PTPN3: variants seen among roughly 807,000 people sequenced by gnomAD.
PTPN3 encodes protein tyrosine phosphatase non-receptor type 3, also known as tyrosine-protein phosphatase non-receptor type 3.
A neutral mutation model predicts 132.7 loss-of-function variants in PTPN3; 96 were observed. The observed-to-expected ratio is 0.72, with a 90% CI of 0.61 to 0.86. The LOEUF (loss-of-function observed/expected upper bound fraction) is 0.86. Among genes scored for constraint, PTPN3 ranks in the 40% least tolerant of loss-of-function variants. PTPN3 has a pLI of 0.00. For synonymous variants in PTPN3, 398 were observed against 429.0 expected, an observed-to-expected ratio of 0.93 and a Z score of 0.89; for missense variants, 1,125 against 1,159.6, an observed-to-expected ratio of 0.97 and a Z score of 0.43.
At chr9:109,449,949 C>G (rs1321158370) in intron 5 of PTPN3, 1 of 985,242 alleles carries the variant, frequency 1.0e-6, no homozygotes, top group Non-Finnish European at 1.2e-6. Flanking sequence ...GTAACTTTCC[C>G]TCTTATCTCA....
the PTPN3 span, among the ~76,000 whole-genome samples, chr9:109,537,580 C>T: frequency 0.19 from 29,322 of 152,070 alleles, 3,192 homozygotes; most frequent in Admixed American, 0.23. Context: ...TCTACTGTCA[C>T]GTTGTCTTTT....
In PTPN3 at chr9:109,382,440, TC is replaced by T; in HGVS notation, c.2389del (p.Glu797LysfsTer5). ...EMLVTNTQTG[E>X]EHTVTHLQYV... ...CTGGAGATGTGTCACTGTGTGTTCT[TC>T]CCCGGTCTGTGGGAGATGCAGTGGC... On this transcript the variant is annotated frameshift_variant, in exon 24 of 26. Transcript: ENST00000374541. LOFTEE classifies it high-confidence loss of function. 6.2e-7 allele frequency: 1 copy of T among 1,614,116 alleles called. No individual in the cohort carries two copies. The highest frequency in any genetic ancestry group is 8.5e-7 in the Non-Finnish European group (1 of 1,180,024).
At chr9:109,442,913 C>A (rs572220022) in intron 7 of PTPN3, among the ~76,000 whole-genome samples, 2 of 152,112 alleles carry the variant, frequency 1.3e-5, no homozygotes, top group African/African-American at 4.8e-5. Context: ...GATGGTCCAA[C>A]AATAAAGAAT....
intron 5 of PTPN3, 51 bp from the exon 6 acceptor site, chr9:109,448,906 A>AC (rs759170149): frequency 1.3e-6 from 2 of 1,487,544 alleles, no homozygotes; most frequent in Non-Finnish European, 1.8e-6. Flanking sequence ...AATAAGCAAA[A>AC]AAAAAAAAAA....
At chr9:109,383,372 C>A (rs2131592725) in intron 23 of PTPN3, 51 bp downstream of exon 23, 1 of 1,613,584 alleles carries the variant, frequency 6.2e-7, no homozygotes, top group East Asian at 2.2e-5. Context: ...ATGACAGTGG[C>A]CGCTGATTCA....
At chr9:109,417,450 C>T (rs938309821) in intron 14 of PTPN3, 1 of 416,534 alleles carries the variant, frequency 2.4e-6, no homozygotes, top group Non-Finnish European at 3.2e-6. Flanking sequence ...CTTCTTTTTG[C>T]CTCTTAACAC....
intron 25 of PTPN3, among the ~76,000 whole-genome samples, chr9:109,379,972 G>A (rs1358672217): frequency 6.6e-6 from 1 of 152,162 alleles, no homozygotes; most frequent in African/African-American, 2.4e-5. Flanking sequence ...GGGTCAGGGA[G>A]CCTGCTCCTG....
At chr9:109,407,568 A>C (rs1013520786) in intron 17 of PTPN3, among the ~76,000 whole-genome samples, 7 of 152,160 alleles carry the variant, frequency 4.6e-5, no homozygotes, top group Admixed American at 1.3e-4. Context: ...TTTTTGAGAC[A>C]GAGTCTCACT....
the PTPN3 span, chr9:109,533,993 A>G: frequency 2.6e-6 from 2 of 765,114 alleles, no homozygotes; most frequent in Non-Finnish European, 4.8e-6. Context: ...TCCTTCAACC[A>G]CATCAAACTC....
the PTPN3 span, among the ~76,000 whole-genome samples, chr9:109,514,445 G>A: frequency 1.4e-4 from 22 of 152,250 alleles, 1 homozygote; most frequent in East Asian, 4.2e-3. Flanking sequence ...AAGAAGAAGT[G>A]GCGAGGGGGT....
chr9:109,488,445 G>GAAAATCTT (rs1351386322), intron 1 of PTPN3, among the ~76,000 whole-genome samples: 1 of 152,150 alleles, frequency 6.6e-6, no homozygotes, highest in East Asian at 1.9e-4. Context: ...CAGTTAACCA[G>GAAAATCTT]AAAATCTTTC....
the PTPN3 span, among the ~76,000 whole-genome samples, chr9:109,506,347 G>A: frequency 1.3e-5 from 2 of 152,340 alleles, no homozygotes; most frequent in African/African-American, 2.4e-5. Flanking sequence ...ACTGAAACTG[G>A]AAAGGTCATC....
intron 1 of PTPN3, among the ~76,000 whole-genome samples, chr9:109,492,521 C>A (rs932946267): frequency 6.6e-6 from 1 of 152,198 alleles, no homozygotes; most frequent in Non-Finnish European, 1.5e-5. Context: ...TGAGGGACCC[C>A]TTTTCTATGC....
chr9:109,407,419 G>A (rs1338783063), intron 17 of PTPN3, among the ~76,000 whole-genome samples: 3 of 152,024 alleles, frequency 2.0e-5, no homozygotes, highest in Non-Finnish European at 4.4e-5. Flanking sequence ...GGAAAGTGAT[G>A]AACATGTTAA....
intron 10 of PTPN3, 37 bp from the exon 11 acceptor site, chr9:109,428,721 C>A: frequency 6.3e-7 from 1 of 1,594,154 alleles, no homozygotes; most frequent in South Asian, 1.1e-5. Flanking sequence ...CAAAGCACAT[C>A]AGGGATCGGC....
intron 16 of PTPN3, among the ~76,000 whole-genome samples, chr9:109,409,489 G>A (rs1403364711): frequency 1.3e-5 from 2 of 152,128 alleles, no homozygotes; most frequent in African/African-American, 4.8e-5. Context: ...GCACAGAGCA[G>A]GCACTTGGCC....
At chr9:109,449,395 G>A in intron 5 of PTPN3, 2 of 985,778 alleles carry the variant, frequency 2.0e-6, no homozygotes, top group Non-Finnish European at 1.2e-6. Context: ...AACTGTGGGT[G>A]CATGAGCAAA....
At chr9:109,469,826 C>A (rs1846283781) in intron 1 of PTPN3, among the ~76,000 whole-genome samples, 1 of 152,198 alleles carries the variant, frequency 6.6e-6, no homozygotes, top group Non-Finnish European at 1.5e-5. Flanking sequence ...GCTGGCCTAG[C>A]CCAATGCCAC....
chr9:109,476,370 T>TA (rs111446708), intron 1 of PTPN3, among the ~76,000 whole-genome samples: 1,530 of 143,284 alleles, frequency 0.011, 12 homozygotes, highest in Non-Finnish European at 0.012. Context: ...TTGTAAACCT[T>TA]AAAAAAAAAA....
Sources: allele counts gnomAD v4.1 joint callset (sites outside exome capture counted in the v4.1 genomes callset), GRCh38; gene constraint gnomAD v4.1.1; transcripts MANE v1.5; gene names NCBI Gene and HGNC (gene_info 2026-07-23, HGNC 2026-07-21).